The following PDZD8 variants were observed in gnomAD, a reference collection of about 807,000 sequenced individuals.
PDZD8 encodes PDZ domain-containing protein 8.
Under a neutral mutation model 85.8 loss-of-function variants are expected in PDZD8, and 14 were observed. The observed-to-expected ratio is 0.16, with a 90% CI of 0.11 to 0.26. PDZD8 has a LOEUF of 0.26. Ranked by LOEUF, PDZD8 falls within the 10% of genes least tolerant of loss-of-function variation. PDZD8 has a pLI of 1.00. For missense variants in PDZD8, 1,197 were observed against 1,424.3 expected (o/e 0.84, Z 2.57); for synonymous variants, 592 against 568.6 (o/e 1.04, Z -0.59).
chr10:117,366,120 C>T (rs750873694), intron 1 of PDZD8, among the ~76,000 whole-genome samples: 5 of 151,830 alleles, frequency 3.3e-5, no homozygotes, highest in Non-Finnish European at 5.9e-5. Context: ...TTTTTAGAAA[C>T]GCCTGAGCCA....
intron 2 of PDZD8, among the ~76,000 whole-genome samples, chr10:117,329,498 G>A (rs1051683125): frequency 1.3e-5 from 2 of 152,104 alleles, no homozygotes; most frequent in Non-Finnish European, 1.5e-5. Context: ...ATCAGACCTT[G>A]GCGATGACGT....
Position 117,375,003 on chromosome 10 carries a change from C to G in PDZD8, c.225G>C (p.Glu75Asp). Residue 75 changes from glutamate to aspartate, a missense_variant, in exon 1 of 5, where the codon GAG (glutamate) becomes GAC (aspartate). Coordinates refer to ENST00000334464, the MANE Select transcript of PDZD8 (RefSeq NM_173791.5). ...GGGCCGCGGTGGGGGTCGCGCCGCC[C>G]TCAGGGGCCGCTCCGGAGGGCTCCT... The part of the protein sequence containing the change: ...RDEEPSGAAP[E>D]GGATPTAAPE... 1 of 1,589,250 alleles carries G rather than the reference C, an allele frequency of 6.3e-7. No homozygotes were observed. The highest frequency in any genetic ancestry group is 8.6e-7 in the Non-Finnish European group (1 of 1,168,094).
chr10:117,286,501 A>G (rs1262030836), intron 4 of PDZD8, among the ~76,000 whole-genome samples: 1 of 152,160 alleles, frequency 6.6e-6, no homozygotes, highest in Non-Finnish European at 1.5e-5. Flanking sequence ...GGTTTCCTCA[A>G]CCTGTGTCCT....
At chr10:117,315,608 A>AAC (rs1554853464) in intron 3 of PDZD8, among the ~76,000 whole-genome samples, 2 of 151,232 alleles carry the variant, frequency 1.3e-5, no homozygotes, top group East Asian at 3.9e-4. Flanking sequence ...AAAAAAAAAA[A>AAC]AAAACAATAA....
intron 2 of PDZD8, among the ~76,000 whole-genome samples, chr10:117,323,850 G>A (rs778883929): frequency 6.6e-6 from 1 of 152,220 alleles, no homozygotes; most frequent in South Asian, 2.1e-4. Context: ...GAAATATGAA[G>A]CTGTTACTGA....
intron 3 of PDZD8, among the ~76,000 whole-genome samples, chr10:117,306,555 A>G (rs1425970794): frequency 6.6e-6 from 1 of 152,178 alleles, no homozygotes; most frequent in East Asian, 1.9e-4. Context: ...CTTATTCTGA[A>G]TCACCAGGTC....
chr10:117,366,394 T>A (rs1845090146), intron 1 of PDZD8, among the ~76,000 whole-genome samples: 1 of 152,234 alleles, frequency 6.6e-6, no homozygotes, highest in South Asian at 2.1e-4. Context: ...GACTTAAAAG[T>A]ACTTTCAATG....
intron 2 of PDZD8, among the ~76,000 whole-genome samples, chr10:117,340,623 A>G (rs998737521): frequency 2.0e-5 from 3 of 152,178 alleles, no homozygotes; most frequent in Non-Finnish European, 4.4e-5. Context: ...ATGGTCCTGA[A>G]TAAAGACTTC....
chr10:117,350,390 A>G (rs937197720), intron 1 of PDZD8, among the ~76,000 whole-genome samples: 5 of 150,420 alleles, frequency 3.3e-5, no homozygotes, highest in African/African-American at 9.8e-5. Context: ...TCAGCCTCCC[A>G]AGTAGCTGGG....
chr10:117,364,181 GGTGTGTGTGTGT>G (rs71938439), intron 1 of PDZD8, among the ~76,000 whole-genome samples: 3 of 148,984 alleles, frequency 2.0e-5, no homozygotes, highest in South Asian at 2.1e-4. Flanking sequence ...ATAATTTATG[GGTGTGTGTGTGT>G]GTGTGTGTGT....
intron 2 of PDZD8, among the ~76,000 whole-genome samples, chr10:117,322,501 ACTGG>A (rs1844242700): frequency 6.6e-6 from 1 of 152,190 alleles, no homozygotes; most frequent in East Asian, 1.9e-4. Flanking sequence ...CTGAGGAGTC[ACTGG>A]CAAGAGCTGC....
intron 3 of PDZD8, among the ~76,000 whole-genome samples, chr10:117,290,695 T>C (rs568095685): frequency 2.6e-5 from 4 of 152,172 alleles, no homozygotes; most frequent in African/African-American, 9.6e-5. Context: ...TATTTTCTAA[T>C]ATATATTTAA....
intron 1 of PDZD8, among the ~76,000 whole-genome samples, chr10:117,344,546 C>G (rs1844671089): frequency 6.6e-6 from 1 of 152,156 alleles, no homozygotes; most frequent in Admixed American, 6.5e-5. Flanking sequence ...CACCACCACA[C>G]CCGGCTATTT....
At chr10:117,317,969 CA>C (rs1844158505) in intron 3 of PDZD8, among the ~76,000 whole-genome samples, 1 of 152,044 alleles carries the variant, frequency 6.6e-6, no homozygotes, top group South Asian at 2.1e-4. Flanking sequence ...CTCTTTCTTC[CA>C]AAATAATTTC....
chr10:117,281,407 T>C lies in PDZD8; in HGVS notation c.*1861A>G, dbSNP rs1388568829. ...AAAAAAAAAAGACATCACGCTTAAA[T>C]AAGTAATGAAGTATACTGAGATGTT... On this transcript the variant is annotated 3_prime_UTR_variant, in exon 5 of 5. Transcript: ENST00000334464. The C allele has an allele frequency of 1.4e-5, 2 of 140,220 alleles. No individual in the cohort carries two copies. The highest frequency in any genetic ancestry group is 3.1e-5 in the Non-Finnish European group (2 of 65,332). The allele number at this position is 140,220 out of a possible 1,614,324, so 8.7% of individuals were successfully genotyped here. A position where few individuals can be genotyped will look rare whatever the true frequency, so the allele number is the denominator to read the frequency against.
intron 1 of PDZD8, among the ~76,000 whole-genome samples, chr10:117,370,913 ATAGT>A (rs1430517532): frequency 1.8e-5 from 2 of 111,940 alleles, no homozygotes; most frequent in African/African-American, 3.7e-5. Context: ...TAAGAACAAC[ATAGT>A]TTGTGTGTGT....
At chr10:117,287,298 C>T (rs363298) in intron 4 of PDZD8, among the ~76,000 whole-genome samples, 3,330 of 152,254 alleles carry the variant, frequency 0.022, 127 homozygotes, top group African/African-American at 0.076. Flanking sequence ...TCCACCTATA[C>T]CACCTGCACC....
intron 1 of PDZD8, among the ~76,000 whole-genome samples, chr10:117,349,238 G>A (rs1844758923): frequency 6.6e-6 from 1 of 152,136 alleles, no homozygotes; most frequent in African/African-American, 2.4e-5. Context: ...CTCCAGGAAG[G>A]AAATCTCCAA....
intron 1 of PDZD8, among the ~76,000 whole-genome samples, chr10:117,343,122 T>C (rs1347688355): frequency 6.6e-6 from 1 of 152,180 alleles, no homozygotes; most frequent in Non-Finnish European, 1.5e-5. Context: ...TGAGTATGTG[T>C]TGCGCTGATT....
Sources: gnomAD v4.1 joint callset for allele counts (sites outside exome capture counted in the v4.1 genomes callset) on GRCh38, gnomAD v4.1.1 for gene constraint, MANE v1.5 for transcripts, NCBI Gene and HGNC (gene_info 2026-07-23, HGNC 2026-07-21) for gene names.